Variants in FXN observed in about 807,000 individuals in gnomAD.
The protein encoded by FXN is frataxin, also known as frataxin, mitochondrial.
Under a neutral mutation model 22.4 loss-of-function variants are expected in FXN, and 14 were observed. The observed-to-expected ratio is 0.62, with a 90% CI of 0.41 to 0.98. The LOEUF (loss-of-function observed/expected upper bound fraction) is 0.98. Among genes scored for constraint, FXN ranks in the 50% least tolerant of loss-of-function variants. The pLI, the probability that FXN is intolerant of heterozygous loss-of-function variation, is 0.00. For missense variants in FXN, 267 were observed against 268.4 expected (o/e 0.99, Z 0.04); for synonymous variants, 120 against 114.1 (o/e 1.05, Z -0.33).
At chr9:69,041,346 A>G (rs931915682) in intron 1 of FXN, among the ~76,000 whole-genome samples, 1 of 152,074 alleles carries the variant, frequency 6.6e-6, no homozygotes, top group Non-Finnish European at 1.5e-5. Context: ...GTTGTCCTTT[A>G]TTTGTTCTCA....
Position 69,074,647 on chromosome 9 carries a change from C to T in FXN, c.*1885C>T, listed in dbSNP as rs1156573418. The T allele has an allele frequency of 1.0e-5, 10 of 984,470 alleles. No homozygotes were observed. Among genetic ancestry groups the T allele is most frequent in the Non-Finnish European group, 1.2e-5 (10 of 829,332 alleles). 61.0% of individuals were successfully genotyped at this position (984,470 alleles called of 1,614,324 possible). On this transcript the variant is annotated 3_prime_UTR_variant, in exon 5 of 5. Coordinates refer to ENST00000484259, the MANE Select transcript of FXN (RefSeq NM_000144.5). ...GGGAGCAGTGGCATATACCTATAGTCCCAGCTGCACAGGAGGCTGAGACAG... is the reference window on the plus strand; with the variant it reads ...GGGAGCAGTGGCATATACCTATAGTTCCAGCTGCACAGGAGGCTGAGACAG...
rs1215668335 is a variant in FXN at position 69,070,043 on chromosome 9, A to T, written c.483-2569A>T. 6.6e-5 allele frequency among the ~76,000 whole-genome samples: 10 copies of T among 152,164 alleles called. No individual in the cohort carries two copies. In the East Asian group the frequency reaches 1.7e-3, roughly 26 times the overall value. On this transcript the variant is annotated intron_variant, in intron 4 of 4. Coordinates refer to ENST00000484259, the MANE Select transcript of FXN (RefSeq NM_000144.5). ...CAGGAGTTCCAGACCAGCCTGGGCA[A>T]CATGGTGAAACCCCGTCTCTACCAA...
At chr9:69,038,387 C>T (rs969079605) in intron 1 of FXN, among the ~76,000 whole-genome samples, 1 of 152,140 alleles carries the variant, frequency 6.6e-6, no homozygotes, top group Non-Finnish European at 1.5e-5. Flanking sequence ...TCTAAAGCAG[C>T]TGTTCAACAG....
chr9:69,072,135 G>C (rs1213744343), intron 4 of FXN, among the ~76,000 whole-genome samples: 1 of 152,194 alleles, frequency 6.6e-6, no homozygotes, highest in African/African-American at 2.4e-5. Context: ...TTTGAAGCTA[G>C]GCAGAGGTAG....
rs1057328162 is a variant in FXN at position 69,060,227 on chromosome 9, T to C, written c.385-4711T>C. ...ACTAAAAAAATACAAAAAAATTAGC[T>C]GGGCGTGGTGGTGGGCGCCTGTAGT... On this transcript the variant is annotated intron_variant, in intron 3 of 4. Coordinates refer to ENST00000484259, the MANE Select transcript of FXN (RefSeq NM_000144.5). Among the ~76,000 whole-genome samples, 162 of 152,066 alleles carry C rather than the reference T, an allele frequency of 1.1e-3. 1 individual carries two copies. Among genetic ancestry groups the C allele is most frequent in the Non-Finnish European group, 2.8e-4 (19 of 67,998 alleles).
intron 3 of FXN, among the ~76,000 whole-genome samples, chr9:69,063,471 G>C (rs1832111064): frequency 6.6e-6 from 1 of 152,104 alleles, no homozygotes; most frequent in African/African-American, 2.4e-5. Context: ...ACCAAGCCTG[G>C]CACAGTAGGA....
At chr9:69,062,389 C>T (rs1421961057) in intron 3 of FXN, among the ~76,000 whole-genome samples, 3 of 152,132 alleles carry the variant, frequency 2.0e-5, no homozygotes, top group African/African-American at 7.2e-5. Context: ...AGGATACAAG[C>T]ATGAGTCACC....
chr9:69,069,093 G>A (rs1262338043), intron 4 of FXN, among the ~76,000 whole-genome samples: 4 of 152,242 alleles, frequency 2.6e-5, no homozygotes, highest in Non-Finnish European at 4.4e-5. Context: ...GCCAGACACA[G>A]TGGCTCACGC....
intron 4 of FXN, among the ~76,000 whole-genome samples, chr9:69,071,673 C>T (rs988341391): frequency 6.6e-6 from 1 of 152,202 alleles, no homozygotes; most frequent in Admixed American, 6.5e-5. Flanking sequence ...ACTAGCCCAC[C>T]AGGCTCTCAA....
At chr9:69,036,095 G>A in intron 1 of FXN, 148 bp downstream of exon 1, 1 of 630,666 alleles carries the variant, frequency 1.6e-6, no homozygotes, top group Non-Finnish European at 2.2e-6. Flanking sequence ...GCGGCCCGGC[G>A]GAAGCGGCCT....
At chr9:69,051,106 T>C (rs1194282941) in intron 2 of FXN, among the ~76,000 whole-genome samples, 4 of 152,094 alleles carry the variant, frequency 2.6e-5, no homozygotes. Flanking sequence ...TTTTATTTTA[T>C]TTTACTTTAA....
In FXN at chr9:69,047,358, C is replaced by T. The variant is rs1587818525; in HGVS notation, c.263+876C>T. 2.6e-5 allele frequency among the ~76,000 whole-genome samples: 4 copies of T among 151,852 alleles called. No homozygotes were observed. In the South Asian group the frequency reaches 8.3e-4, roughly 32 times the overall value. ...ACAGACACACACACACAGACACACACACACACACACACACACACACACGAT... is the reference window on the plus strand; with the variant it reads ...ACAGACACACACACACAGACACACATACACACACACACACACACACACGAT... On this transcript the variant is annotated intron_variant, in intron 2 of 4. Transcript: ENST00000484259.
chr9:69,078,702 A>G lies in FXN; in HGVS notation c.*5940A>G. On this transcript the variant is annotated 3_prime_UTR_variant, in exon 5 of 5. Coordinates refer to ENST00000484259, the MANE Select transcript of FXN (RefSeq NM_000144.5). ...GCTGTGCTATTTTCACGTGGCTCTC[A>G]GACTTGGCCAGTGCTGTTTCCATTT... 3.0e-6 allele frequency: 3 copies of G among 985,648 alleles called. No homozygotes were observed. The highest frequency in any genetic ancestry group is 3.6e-6 in the Non-Finnish European group (3 of 829,986). The allele number at this position is 985,648 out of a possible 1,614,324, so 61.1% of individuals were successfully genotyped here. A position where few individuals can be genotyped will look rare whatever the true frequency, so the allele number is the denominator to read the frequency against.
At chr9:69,058,576 A>G (rs1832005885) in intron 3 of FXN, among the ~76,000 whole-genome samples, 1 of 151,564 alleles carries the variant, frequency 6.6e-6, no homozygotes, top group Non-Finnish European at 1.5e-5. Context: ...CCCTCTCCCA[A>G]TAAAAACTTC....
intron 1 of FXN, among the ~76,000 whole-genome samples, chr9:69,037,894 C>T (rs763805125): frequency 1.1e-4 from 16 of 152,186 alleles, no homozygotes; most frequent in South Asian, 2.1e-4. Flanking sequence ...TCAGGTGATC[C>T]GCCCACCTCG....
chr9:69,075,458 T>G lies in FXN; in HGVS notation c.*2696T>G. On this transcript the variant is annotated 3_prime_UTR_variant, in exon 5 of 5. Transcript: ENST00000484259. Reference sequence around the variant, plus strand: ...CTGGCCAACAGAGCCATACTCCGTCTCAAATAAATAAATAAATAAATAAAG... The same window carrying G: ...CTGGCCAACAGAGCCATACTCCGTCGCAAATAAATAAATAAATAAATAAAG... 4 of 917,630 alleles carry G rather than the reference T, an allele frequency of 4.4e-6. No homozygotes were observed. The highest frequency in any genetic ancestry group is 5.0e-6 in the Non-Finnish European group (4 of 797,030). The allele number at this position is 917,630 out of a possible 1,614,324, so 56.8% of individuals were successfully genotyped here.
Position 69,076,569 on chromosome 9 carries a change from A to G in FXN, c.*3807A>G. 1 of 985,448 alleles carries G rather than the reference A, an allele frequency of 1.0e-6. No homozygotes were observed. Among genetic ancestry groups the G allele is most frequent in the Non-Finnish European group, 1.2e-6 (1 of 829,928 alleles). 61.0% of individuals were successfully genotyped at this position (985,448 alleles called of 1,614,324 possible). On this transcript the variant is annotated 3_prime_UTR_variant, in exon 5 of 5. Transcript: ENST00000484259. ...AATTTGACAGTTTGCATTAAATTAT[A>G]GGTTTACAATATGCTTTATCCAGCT...
At position 69,074,898 on chromosome 9, in the gene FXN, A is replaced by G; in HGVS notation, c.*2136A>G. ...AATAAATAACATCATACATGTTTGT[A>G]TGTGTTTGCATCTTGCTTCTACTGA... On this transcript the variant is annotated 3_prime_UTR_variant, in exon 5 of 5. Transcript: ENST00000484259. The G allele has an allele frequency of 1.0e-6, 1 of 985,426 alleles. No individual in the cohort carries two copies. Among genetic ancestry groups the G allele is most frequent in the Non-Finnish European group, 1.2e-6 (1 of 829,924 alleles). 61.0% of individuals were successfully genotyped at this position (985,426 alleles called of 1,614,324 possible). A position where few individuals can be genotyped will look rare whatever the true frequency, so the allele number is the denominator to read the frequency against.
rs1832310225 is a variant in FXN, at chr9:69,073,413, T to C, written c.*651T>C. The stretch of plus-strand genomic sequence containing the variant: ...TCACATACGTGTCTGTGTGTATATA[T>C]ATTTTTTCAATTTAAAGGTTAGTAT... On this transcript the variant is annotated 3_prime_UTR_variant, in exon 5 of 5. Coordinates refer to ENST00000484259, the MANE Select transcript of FXN (RefSeq NM_000144.5). The C allele has an allele frequency of 2.0e-6, 2 of 985,466 alleles. No homozygotes were observed. Among genetic ancestry groups the C allele is most frequent in the South Asian group, 4.7e-5 (1 of 21,286 alleles). 61.0% of individuals were successfully genotyped at this position (985,466 alleles called of 1,614,324 possible).
Sources: allele counts gnomAD v4.1 joint callset (sites outside exome capture counted in the v4.1 genomes callset), GRCh38; gene constraint gnomAD v4.1.1; transcripts MANE v1.5; gene names NCBI Gene and HGNC (gene_info 2026-07-23, HGNC 2026-07-21).